The following SGCG variants were observed in gnomAD, a reference collection of about 807,000 sequenced individuals.
SGCG encodes the protein sarcoglycan gamma, also known as gamma-sarcoglycan.
SGCG carries 26 observed loss-of-function variants against 29.3 expected under a neutral mutation model. The observed-to-expected ratio is 0.89, with a 90% CI of 0.65 to 1.23. SGCG has a LOEUF of 1.23. Among genes scored for constraint, SGCG ranks in the 50% most tolerant of loss-of-function variants. The pLI, the probability that SGCG is intolerant of heterozygous loss-of-function variation, is 0.00. For missense variants in SGCG, 353 were observed against 356.0 expected (o/e 0.99, Z 0.07); for synonymous variants, 145 against 129.7 (o/e 1.12, Z -0.80).
At chr13:23,263,445 G>C (rs1880522595) in intron 4 of SGCG, among the ~76,000 whole-genome samples, 1 of 151,912 alleles carries the variant, frequency 6.6e-6, no homozygotes. Flanking sequence ...TAGAATTCCT[G>C]AACAGACCAA....
At chr13:23,221,927 A>T (rs917645768) in intron 2 of SGCG, among the ~76,000 whole-genome samples, 1 of 152,190 alleles carries the variant, frequency 6.6e-6, no homozygotes, top group Non-Finnish European at 1.5e-5. Flanking sequence ...GCCATCGGAG[A>T]CTTTTAAAGA....
chr13:23,320,885 G>C (rs1883011559), intron 7 of SGCG, 125 bp downstream of exon 7: 2 of 987,946 alleles, frequency 2.0e-6, no homozygotes, highest in African/African-American at 3.2e-5. Context: ...AGGTCATAGA[G>C]TAGCAAATGT....
intron 6 of SGCG, among the ~76,000 whole-genome samples, chr13:23,301,581 A>G (rs1408516718): frequency 1.3e-5 from 2 of 152,142 alleles, no homozygotes; most frequent in African/African-American, 4.8e-5. Context: ...TTAGGAAAGA[A>G]ATAGCATTAA....
chr13:23,299,436 ATATATATATATATATATATATT>A (rs1252204090), intron 6 of SGCG, among the ~76,000 whole-genome samples: 1 of 5,606 alleles, frequency 1.8e-4, no homozygotes, highest in African/African-American at 4.1e-4. Flanking sequence ...ATATATATAT[ATATATATATATATATATATATT>A]TTTTTTTTTT....
chr13:23,324,559 G>A lies in SGCG; in HGVS notation c.*18G>A, dbSNP rs766863622. 8 of 1,604,960 alleles carry A rather than the reference G, an allele frequency of 5.0e-6. No homozygotes were observed. The highest frequency in any genetic ancestry group is 1.3e-5 in the African/African-American group (1 of 74,794). On this transcript the variant is annotated 3_prime_UTR_variant, in exon 8 of 8. Transcript: ENST00000218867. ...GCCTCTGAGCTGCCTGCGTCCTCTCGGTGAGCTGTGCAGTGCCGGCCCCAG... is the reference window on the plus strand; with the variant it reads ...GCCTCTGAGCTGCCTGCGTCCTCTCAGTGAGCTGTGCAGTGCCGGCCCCAG...
intron 1 of SGCG, among the ~76,000 whole-genome samples, chr13:23,185,212 A>T (rs1876921554): frequency 6.6e-6 from 1 of 152,134 alleles, no homozygotes; most frequent in Non-Finnish European, 1.5e-5. Flanking sequence ...TATTCTGAGA[A>T]TTCCATCAGC....
At chr13:23,228,673 T>C (rs1268308658) in intron 2 of SGCG, among the ~76,000 whole-genome samples, 2 of 152,076 alleles carry the variant, frequency 1.3e-5, no homozygotes, top group Admixed American at 1.3e-4. Flanking sequence ...TATGTTTCCA[T>C]GTGTTCTCAT....
At position 23,250,448 on chromosome 13, in the gene SGCG, C is replaced by G. The variant is rs559390878; in HGVS notation, c.298-182C>G. On this transcript the variant is annotated intron_variant, in intron 3 of 7. Coordinates refer to ENST00000218867, the MANE Select transcript of SGCG (RefSeq NM_000231.3). The stretch of plus-strand genomic sequence containing the variant: ...ATTCTTTTATCTTTCAATAAATACT[C>G]AAAATGTTAAAAAAATATGATTCAG... Among the ~76,000 whole-genome samples, 11 of 152,104 alleles carry G rather than the reference C, an allele frequency of 7.2e-5. No individual in the cohort carries two copies. In the South Asian group the frequency reaches 2.3e-3, roughly 32 times the overall value.
chr13:23,263,274 G>A (rs915919774), intron 4 of SGCG, among the ~76,000 whole-genome samples: 1 of 151,856 alleles, frequency 6.6e-6, no homozygotes, highest in African/African-American at 2.4e-5. Flanking sequence ...AAATAAGCTC[G>A]ATTAGAAATG....
intron 6 of SGCG, among the ~76,000 whole-genome samples, 196 bp downstream of exon 6, chr13:23,295,683 A>T (rs138960871): frequency 6.6e-6 from 1 of 152,196 alleles, no homozygotes; most frequent in Admixed American, 6.5e-5. Flanking sequence ...CTGACTCCAC[A>T]CTTGGTGCCT....
At chr13:23,178,493 A>C (rs1876629371), upstream of SGCG, among the ~76,000 whole-genome samples, 1 of 152,214 alleles carries the variant, frequency 6.6e-6, no homozygotes. Context: ...AGCAGTTTTG[A>C]GGGATTTAGT....
chr13:23,314,874 T>G (rs1247366517), intron 6 of SGCG, among the ~76,000 whole-genome samples: 1 of 152,128 alleles, frequency 6.6e-6, no homozygotes, highest in Non-Finnish European at 1.5e-5. Context: ...CCTATTTGGA[T>G]TTTGGAGGCA....
intron 4 of SGCG, among the ~76,000 whole-genome samples, chr13:23,264,062 G>A (rs530282673): frequency 1.4e-4 from 22 of 152,014 alleles, no homozygotes; most frequent in African/African-American, 4.6e-4. Flanking sequence ...ATTCAACATC[G>A]TACTGAAAGT....
chr13:23,257,923 A>G (rs1393124675), intron 4 of SGCG, among the ~76,000 whole-genome samples: 2 of 152,166 alleles, frequency 1.3e-5, no homozygotes, highest in Non-Finnish European at 2.9e-5. Context: ...TTTTGGTACC[A>G]GTACCATGCT....
intron 4 of SGCG, among the ~76,000 whole-genome samples, chr13:23,252,727 A>G (rs1880023093): frequency 6.6e-6 from 1 of 152,128 alleles, no homozygotes; most frequent in African/African-American, 2.4e-5. Flanking sequence ...CAAAAAAGTT[A>G]ATTAGTACAA....
the SGCG span, among the ~76,000 whole-genome samples, chr13:23,175,144 G>C: frequency 1.3e-5 from 2 of 152,180 alleles, no homozygotes; most frequent in Non-Finnish European, 2.9e-5. Context: ...AAGGAGGAAA[G>C]TGCTGCAGGA....
chr13:23,234,985 C>G (rs1456948729), intron 3 of SGCG, among the ~76,000 whole-genome samples: 1 of 152,054 alleles, frequency 6.6e-6, no homozygotes, highest in East Asian at 1.9e-4. Context: ...AAAATTTTTA[C>G]CAAGAACAAT....
At chr13:23,270,055 T>C (rs1342343099) in intron 4 of SGCG, among the ~76,000 whole-genome samples, 1 of 152,032 alleles carries the variant, frequency 6.6e-6, no homozygotes, top group Non-Finnish European at 1.5e-5. Flanking sequence ...TATGTATTTT[T>C]AGTAGAGACG....
chr13:23,252,708 A>G (rs199624342), intron 4 of SGCG, among the ~76,000 whole-genome samples: 1 of 104,016 alleles, frequency 9.6e-6, no homozygotes, highest in Non-Finnish European at 2.1e-5. Flanking sequence ...ACAAAACAAA[A>G]CAAACAAACA....
Sources: allele counts gnomAD v4.1 joint callset (sites outside exome capture counted in the v4.1 genomes callset), GRCh38; gene constraint gnomAD v4.1.1; transcripts MANE v1.5; gene names NCBI Gene and HGNC (gene_info 2026-07-23, HGNC 2026-07-21).